PCDHGB4: variants seen among roughly 807,000 people sequenced by gnomAD.
The protein encoded by PCDHGB4 is protocadherin gamma-B4.
PCDHGB4 carries 38 observed loss-of-function variants against 60.5 expected under a neutral mutation model. That is an observed-to-expected ratio of 0.63 (90% CI 0.48 to 0.82). The LOEUF is 0.82. PCDHGB4 is among the 40% of genes least tolerant of loss of function. The pLI is 0.00. For missense variants in PCDHGB4, 1,109 were observed against 1,209.6 expected (o/e 0.92, Z 1.23); for synonymous variants, 456 against 509.7 (o/e 0.89, Z 1.42).
chr5:141,481,934 AAT>A (rs1245984926), intron 1 of PCDHGB4, among the ~76,000 whole-genome samples: 5 of 147,494 alleles, frequency 3.4e-5, no homozygotes, highest in Admixed American at 3.4e-4. Flanking sequence ...AAAAAAAAAA[AAT>A]CAGCCAGATG....
At position 141,476,744 on chromosome 5, in the gene PCDHGB4, CT is replaced by C; in HGVS notation, c.2398-18062del. ...CCTGGACCGAGAACGGGAGCCTAGT[CT>C]CCAGTTAGTGCTGACGGCGTTGGAC... is the stretch of plus-strand genomic sequence containing the variant. On this transcript the variant is annotated intron_variant, in intron 1 of 3. Coordinates refer to ENST00000519479, the MANE Select transcript of PCDHGB4 (RefSeq NM_003736.4). The surrounding 1 kb of genome is among the most constrained non-coding windows in gnomAD (Gnocchi z 7.6). 6.2e-7 allele frequency: 1 copy of C among 1,614,046 alleles called. No homozygotes were observed. Among genetic ancestry groups the C allele is most frequent in the East Asian group, 2.2e-5 (1 of 44,884 alleles).
chr5:141,421,533 C>T (rs80184002), intron 1 of PCDHGB4: 1 of 1,614,044 alleles, frequency 6.2e-7, no homozygotes, highest in African/African-American at 1.3e-5. Flanking sequence ...CGGTGTCCTC[C>T]TGTTTTTTAA....
At chr5:141,462,144 G>A (rs984269848) in intron 1 of PCDHGB4, among the ~76,000 whole-genome samples, 1 of 152,042 alleles carries the variant, frequency 6.6e-6, no homozygotes, top group South Asian at 2.1e-4. Context: ...ATTTTTAGTA[G>A]AGATGGGGTT....
At chr5:141,403,495 C>T (rs2094413954) in intron 1 of PCDHGB4, 2 of 1,614,014 alleles carry the variant, frequency 1.2e-6, no homozygotes, top group Non-Finnish European at 1.7e-6. Flanking sequence ...TCTCCCTGAA[C>T]GTGCAGACTG....
At chr5:141,415,342 T>C (rs1305683222) in intron 1 of PCDHGB4, 2 of 1,614,108 alleles carry the variant, frequency 1.2e-6, no homozygotes, top group African/African-American at 2.7e-5. Context: ...GCTGCGGCGC[T>C]GGCACAAGTC....
intron 1 of PCDHGB4, chr5:141,430,540 G>T: frequency 2.6e-6 from 1 of 386,954 alleles, no homozygotes; most frequent in Admixed American, 4.2e-5. Flanking sequence ...GACTCTGAGC[G>T]CCGCTGTTCA....
At chr5:141,478,044 C>G in intron 1 of PCDHGB4, 1 of 1,614,184 alleles carries the variant, frequency 6.2e-7, no homozygotes. Flanking sequence ...CCCAGGCAGA[C>G]TCTCACGGTC....
At chr5:141,439,207 C>A (rs1003519997) in intron 1 of PCDHGB4, among the ~76,000 whole-genome samples, 1 of 149,828 alleles carries the variant, frequency 6.7e-6, no homozygotes, top group Non-Finnish European at 1.5e-5. Context: ...AAAAAAAAAT[C>A]CATATGTGAA....
At chr5:141,433,360 T>C (rs1313053553) in intron 1 of PCDHGB4, 46 of 298,056 alleles carry the variant, frequency 1.5e-4, no homozygotes, top group Non-Finnish European at 2.5e-4. Context: ...ACTGTCTGCC[T>C]ATCTATCTAT....
chr5:141,403,992 T>G, intron 1 of PCDHGB4: 2 of 1,613,848 alleles, frequency 1.2e-6, no homozygotes, highest in South Asian at 2.2e-5. Flanking sequence ...AGACCTGAAG[T>G]GACCATTACA....
intron 1 of PCDHGB4, chr5:141,403,291 A>T: frequency 6.2e-7 from 1 of 1,613,918 alleles, no homozygotes; most frequent in Non-Finnish European, 8.5e-7. Flanking sequence ...TTGAAGACAG[A>T]GTGAAACTGT....
chr5:141,435,855 G>A (rs1164301394), intron 1 of PCDHGB4, among the ~76,000 whole-genome samples: 1 of 152,006 alleles, frequency 6.6e-6, no homozygotes, highest in Non-Finnish European at 1.5e-5. Flanking sequence ...AGATACAATA[G>A]TTAAAACCCA....
rs2099699514 is a variant in PCDHGB4 at position 141,490,385 on chromosome 5, A to G, written c.2398-4422A>G. 1 of 1,614,190 alleles carries G rather than the reference A, an allele frequency of 6.2e-7. No individual in the cohort carries two copies. Among genetic ancestry groups the G allele is most frequent in the African/African-American group, 1.3e-5 (1 of 75,032 alleles). ...GTGCGAGACCGGGACTCAGGTAGAA[A>G]TGGTGAAGTGAGCCTTGATATCTCT... On this transcript the variant is annotated intron_variant, in intron 1 of 3. Coordinates refer to ENST00000519479, the MANE Select transcript of PCDHGB4 (RefSeq NM_003736.4). This position sits in a 1 kb window ranked among gnomAD's most constrained non-coding sequence, Gnocchi z 5.4.
intron 2 of PCDHGB4, among the ~76,000 whole-genome samples, chr5:141,499,298 C>A (rs1239333151): frequency 6.6e-6 from 1 of 152,210 alleles, no homozygotes; most frequent in African/African-American, 2.4e-5. Context: ...ACACTACCAT[C>A]CCTCCTCTGA....
rs1367772661 is a variant in PCDHGB4, at chr5:141,512,193, GGAAGCTC to G, written c.*1026_*1032del. 2.0e-5 allele frequency: 3 copies of G among 152,756 alleles called. No homozygotes were observed. Among genetic ancestry groups the G allele is most frequent in the Non-Finnish European group, 4.4e-5 (3 of 68,136 alleles). 9.5% of individuals were successfully genotyped at this position (152,756 alleles called of 1,614,324 possible). ...GGATTAAACTGGCATTTCAGTCCAAGGAAGCTCGAAGCAGGTTTAGGACCAGGTCCCC... is the reference window on the plus strand; with the variant it reads ...GGATTAAACTGGCATTTCAGTCCAAGGAAGCAGGTTTAGGACCAGGTCCCC... On this transcript the variant is annotated 3_prime_UTR_variant, in exon 4 of 4. Coordinates refer to ENST00000519479, the MANE Select transcript of PCDHGB4 (RefSeq NM_003736.4).
chr5:141,476,979 G>A lies in PCDHGB4; in HGVS notation c.2398-17828G>A, dbSNP rs772801536. On this transcript the variant is annotated intron_variant, in intron 1 of 3. Coordinates refer to ENST00000519479, the MANE Select transcript of PCDHGB4 (RefSeq NM_003736.4). The surrounding 1 kb of genome is among the most constrained non-coding windows in gnomAD (Gnocchi z 7.6). ...ATTTACTCCTTCGGCAGCCACAACC[G>A]CGCCGGCGTGCGGCAACTATTCGCC... The A allele has an allele frequency of 1.9e-6, 3 of 1,614,238 alleles. No homozygotes were observed. The South Asian group carries it at 3.3e-5, about 18-fold the overall frequency.
Position 141,431,724 on chromosome 5 carries a change from T to C in PCDHGB4, c.2397+41443T>C, listed in dbSNP as rs758754345. The C allele has an allele frequency of 6.2e-7, 1 of 1,614,036 alleles. No individual in the cohort carries two copies. Among genetic ancestry groups the C allele is most frequent in the Non-Finnish European group, 8.5e-7 (1 of 1,180,036 alleles). On this transcript the variant is annotated intron_variant, in intron 1 of 3. Coordinates refer to ENST00000519479, the MANE Select transcript of PCDHGB4 (RefSeq NM_003736.4). This position sits in a 1 kb window ranked among gnomAD's most constrained non-coding sequence, Gnocchi z 4.8. The stretch of plus-strand genomic sequence containing the variant: ...TTCTACCAGATGGAAGTGCAAGCAA[T>C]GGATAATGCAGGATATTCTGCGCGA...
At chr5:141,494,758 T>A (rs370692038) in intron 1 of PCDHGB4, 49 bp from the exon 2 acceptor site, 2 of 1,613,800 alleles carry the variant, frequency 1.2e-6, no homozygotes, top group Admixed American at 3.3e-5. Context: ...CGGGTGACAT[T>A]CTAACTTCTC....
rs777925358 is a variant in PCDHGB4 at position 141,477,657 on chromosome 5, G to T, written c.2398-17150G>T. ...GTGGGTCGCTATTTCACAATAAATC[G>T]TGACAATGGCATAGTGTCATCCTTA... On this transcript the variant is annotated intron_variant, in intron 1 of 3. Transcript: ENST00000519479. This position sits in a 1 kb window ranked among gnomAD's most constrained non-coding sequence, Gnocchi z 4.9. 6.8e-6 allele frequency: 11 copies of T among 1,614,072 alleles called. No individual in the cohort carries two copies. Among genetic ancestry groups the T allele is most frequent in the South Asian group, 2.2e-5 (2 of 91,090 alleles).
Sources: gnomAD v4.1 joint callset for allele counts (sites outside exome capture counted in the v4.1 genomes callset) on GRCh38, gnomAD v4.1.1 for gene constraint, Gnocchi (gnomAD v3.1) non-coding constraint, MANE v1.5 for transcripts, NCBI Gene and HGNC (gene_info 2026-07-23, HGNC 2026-07-21) for gene names.